The following IGFN1 variants were observed in gnomAD, a reference collection of about 807,000 sequenced individuals.
The protein encoded by IGFN1 is immunoglobulin like and fibronectin type III domain containing 1, also known as immunoglobulin-like and fibronectin type III domain-containing protein 1.
IGFN1 carries 253 observed loss-of-function variants against 289.5 expected under a neutral mutation model. That is an observed-to-expected ratio of 0.87 (90% CI 0.79 to 0.97). The LOEUF (loss-of-function observed/expected upper bound fraction) is 0.97. IGFN1 is among the 50% of genes least tolerant of loss of function. IGFN1 has a pLI of 0.00. For missense variants in IGFN1, 4,470 were observed against 4,686.1 expected (o/e 0.95, Z 1.35); for synonymous variants, 1,706 against 1,788.5 (o/e 0.95, Z 1.16).
Position 201,215,748 on chromosome 1 carries a change from A to T in IGFN1, c.9205A>T (p.Ser3069Cys), listed in dbSNP as rs1343996155. The change falls in exon 15 of 24, where the codon AGC becomes TGC. Residue 3069 changes from serine (S) to cysteine (C), a missense_variant. Around this residue, in one of 8 missense-constraint regions of IGFN1, gnomAD observed 2,218 missense variants for 2,114.1 expected, o/e 1.05. Transcript: ENST00000335211. ...GDGYTRLCLPSAGRKDCGQYS... is the reference protein window; with the variant it reads ...GDGYTRLCLPCAGRKDCGQYS... Reference sequence around the variant, plus strand: ...TGGCTACACGCGGCTGTGCCTCCCCAGCGCAGGCAGGAAGGACTGTGGCCA... The same window carrying T: ...TGGCTACACGCGGCTGTGCCTCCCCTGCGCAGGCAGGAAGGACTGTGGCCA... 6.2e-7 allele frequency: 1 copy of T among 1,609,814 alleles called. No individual in the cohort carries two copies. Among genetic ancestry groups the T allele is most frequent in the East Asian group, 2.2e-5 (1 of 44,818 alleles).
At chr1:201,216,313 C>A in intron 15 of IGFN1, 141 bp from the exon 16 acceptor site, 1 of 665,404 alleles carries the variant, frequency 1.5e-6, no homozygotes, top group Non-Finnish European at 2.5e-6. Flanking sequence ...TCTGGACAGT[C>A]TGCCCCATTG....
At chr1:201,214,904 A>T in intron 13 of IGFN1, 109 bp from the exon 14 acceptor site, 1 of 1,122,588 alleles carries the variant, frequency 8.9e-7, no homozygotes, top group East Asian at 2.5e-5. Context: ...CATTCCATTC[A>T]CACAGCTGTT....
intron 4 of IGFN1, among the ~76,000 whole-genome samples, chr1:201,196,283 C>G (rs1666913905): frequency 6.6e-6 from 1 of 152,210 alleles, no homozygotes; most frequent in East Asian, 1.9e-4. Flanking sequence ...AGTCATTTTA[C>G]TCTTTTTACC....
Position 201,224,889 on chromosome 1 carries a change from G to T in IGFN1, c.10486+15G>T. On this transcript the variant is annotated intron_variant, in intron 21 of 23. Transcript: ENST00000335211. ...CAGGGTGGCAGGTGAGGCAGGCCTT[G>T]CTCTGGGCTCTGGACGCTGGCTCGG... 6.2e-7 allele frequency: 1 copy of T among 1,600,512 alleles called. No individual in the cohort carries two copies. The highest frequency in any genetic ancestry group is 8.5e-7 in the Non-Finnish European group (1 of 1,172,104).
At position 201,207,099 on chromosome 1, in the gene IGFN1, AG is replaced by A; in HGVS notation, c.2207del (p.Arg736LysfsTer30). On this transcript the variant is annotated frameshift_variant, in exon 12 of 24. Transcript: ENST00000335211. LOFTEE classifies it high-confidence loss of function. ...DFQEPSISGG[R>X]KFLLGDGSPE... is the part of the protein sequence containing the mutation. ...CCAGGAACCATCAATATCAGGTGGTAGAAAATTCCTTCTGGGAGATGGGAGT... is the reference window on the plus strand; with the variant it reads ...CCAGGAACCATCAATATCAGGTGGTAAAAATTCCTTCTGGGAGATGGGAGT... 1 of 1,537,060 alleles carries A rather than the reference AG, an allele frequency of 6.5e-7. No homozygotes were observed. The highest frequency in any genetic ancestry group is 8.7e-7 in the Non-Finnish European group (1 of 1,146,864).
In IGFN1 at chr1:201,200,288, G is replaced by T. The variant is rs953381861; in HGVS notation, c.510G>T (p.Leu170=). The T allele has an allele frequency of 6.4e-6, 10 of 1,551,596 alleles. No individual in the cohort carries two copies. The Admixed American group carries it at 2.0e-4, about 30-fold the overall frequency. The change falls in exon 8 of 24, where the codon CTG becomes CTT. Residue 170 remains leucine (L), a synonymous_variant. Transcript: ENST00000335211. ...TGGACCTTGAGCAGATATGGCAGCT[G>T]CTGATGACAGCAGACAGGAAGGACT... is the stretch of plus-strand genomic sequence containing the variant. The part of the protein sequence containing the change: ...KKMDLEQIWQ[L]LMTADRKDYE...
rs749503568 is a variant in IGFN1 at position 201,227,129 on chromosome 1, G to A, written c.11034G>A (p.Pro3678=). 8.1e-6 allele frequency: 13 copies of A among 1,613,282 alleles called. No individual in the cohort carries two copies. The highest frequency in any genetic ancestry group is 2.2e-5 in the South Asian group (2 of 91,060). Residue 3678 remains proline, a synonymous_variant, in exon 23 of 24, where the codon CCG becomes CCA. Transcript: ENST00000335211. ...VCSLTIPSVS[P]KDSGEYKAVA... ...CCCTCACCATCCCCAGCGTATCCCC[G>A]AAGGACAGCGGGGAGTACAAGGCTG... is the stretch of plus-strand genomic sequence containing the variant.
At chr1:201,227,441 T>G (rs1654183490) in intron 23 of IGFN1, among the ~76,000 whole-genome samples, 1 of 151,914 alleles carries the variant, frequency 6.6e-6, no homozygotes, top group South Asian at 2.1e-4. Flanking sequence ...GTTTTTTTTT[T>G]TTTGAGACGG....
rs199822854 is a variant in IGFN1, at chr1:201,226,000, C to A, written c.10663C>A (p.Arg3555Ser). The A allele has an allele frequency of 3.2e-6, 5 of 1,576,932 alleles. No homozygotes were observed. The highest frequency in any genetic ancestry group is 2.3e-5 in the South Asian group (2 of 85,796). ...HEAADRIHTN[R>S]FTLLGILPGH... ...GGCAGCCGACCGCATCCACACCAAC[C>A]GCTTCACCCTCCTGGGCATCCTCCC... Residue 3555 changes from arginine (R) to serine (S), a missense_variant, in exon 22 of 24, where the codon CGC (arginine) becomes AGC (serine). Physicochemically the swap from Arg to Ser is moderately radical, Grantham distance 110 (BLOSUM62 -1). Coordinates refer to ENST00000335211, the MANE Select transcript of IGFN1 (RefSeq NM_001164586.2).
Position 201,211,469 on chromosome 1 carries a change from T to G in IGFN1, c.6576T>G (p.Ser2192Arg). ...LGAPEGMGSG[S>R]KAGFRDGLGG... is the part of the protein sequence containing the mutation. ...CTCCTGAGGGAATGGGTTCAGGGAGTAAGGCAGGTTTCAGGGATGGTTTAG... is the reference window on the plus strand; with the variant it reads ...CTCCTGAGGGAATGGGTTCAGGGAGGAAGGCAGGTTTCAGGGATGGTTTAG... Residue 2192 changes from serine (S) to arginine (R), a missense_variant, in exon 12 of 24, where the codon AGT (serine) becomes AGG (arginine). Physicochemically the swap from Ser to Arg is moderately radical, Grantham distance 110. Coordinates refer to ENST00000335211, the MANE Select transcript of IGFN1 (RefSeq NM_001164586.2). 6.7e-7 allele frequency: 1 copy of G among 1,496,796 alleles called. No individual in the cohort carries two copies. Among genetic ancestry groups the G allele is most frequent in the Non-Finnish European group, 8.9e-7 (1 of 1,124,710 alleles). 92.7% of individuals were successfully genotyped at this position (1,496,796 alleles called of 1,614,324 possible).
Position 201,206,376 on chromosome 1 carries a change from G to C in IGFN1, c.1483G>C (p.Ala495Pro). Residue 495 changes from alanine (A) to proline (P), a missense_variant, in exon 12 of 24, where the codon GCA becomes CCA. This residue lies in a region of IGFN1 where 2,011 missense variants were observed against 1,953.4 expected (regional missense o/e 1.03). Transcript: ENST00000335211. ...PGQEGEGFPVAEGSRATLPRE... is the reference protein window; with the variant it reads ...PGQEGEGFPVPEGSRATLPRE... Reference sequence around the variant, plus strand: ...ACAGGAGGGCGAGGGCTTTCCAGTAGCAGAGGGAAGCAGAGCCACTCTTCC... The same window carrying C: ...ACAGGAGGGCGAGGGCTTTCCAGTACCAGAGGGAAGCAGAGCCACTCTTCC... The C allele has an allele frequency of 4.5e-6, 7 of 1,550,610 alleles. No individual in the cohort carries two copies. In the South Asian group the frequency reaches 8.3e-5, roughly 18 times the overall value.
In IGFN1 at chr1:201,212,034, A is replaced by G. The variant is rs1353472280; in HGVS notation, c.7141A>G (p.Arg2381Gly). 6.5e-7 allele frequency: 1 copy of G among 1,536,210 alleles called. No individual in the cohort carries two copies. The highest frequency in any genetic ancestry group is 1.4e-5 in the African/African-American group (1 of 72,978). Residue 2381 changes from arginine (R) to glycine (G), a missense_variant, in exon 12 of 24, where the codon AGA becomes GGA. Arg to Gly is a moderately radical substitution (Grantham distance 125). Coordinates refer to ENST00000335211, the MANE Select transcript of IGFN1 (RefSeq NM_001164586.2). The stretch of plus-strand genomic sequence containing the variant: ...TGGAATAGGACATGAGGCTGGACCC[A>G]GAGGCCATAAAGCCATGGGTCACAG... Reference protein sequence around the residue: ...LAGIGHEAGPRGHKAMGHRSG... With the variant: ...LAGIGHEAGPGGHKAMGHRSG...
At chr1:201,221,103 G>A (rs773860907) in intron 18 of IGFN1, among the ~76,000 whole-genome samples, 3 of 152,170 alleles carry the variant, frequency 2.0e-5, no homozygotes, top group East Asian at 1.9e-4. Flanking sequence ...CTAGTCATAC[G>A]GGATAATGGA....
chr1:201,205,929 G>T (rs1045458980), intron 11 of IGFN1, among the ~76,000 whole-genome samples, 154 bp from the exon 12 acceptor site: 1 of 152,226 alleles, frequency 6.6e-6, no homozygotes, highest in African/African-American at 2.4e-5. Context: ...TTCCTTCCCA[G>T]GTGGTCACCT....
chr1:201,192,859 A>G (rs1428495227), intron 1 of IGFN1, among the ~76,000 whole-genome samples: 2 of 152,102 alleles, frequency 1.3e-5, no homozygotes, highest in Non-Finnish European at 2.9e-5. Flanking sequence ...GAATCCTTAC[A>G]CAGCTGAAAG....
rs1455817941 is a variant in IGFN1, at chr1:201,207,166, G to T, written c.2273G>T (p.Gly758Val). ...KAEDSLQEAD[G>V]ICRGESVVTG... ...GAAGACTCACTGCAGGAGGCAGATG[G>T]TATATGCCGGGGGGAGTCTGTAGTT... Residue 758 changes from glycine (G) to valine (V), a missense_variant, in exon 12 of 24, where the codon GGT (glycine) becomes GTT (valine). This residue lies in a region of IGFN1 where 2,011 missense variants were observed against 1,953.4 expected (regional missense o/e 1.03). Coordinates refer to ENST00000335211, the MANE Select transcript of IGFN1 (RefSeq NM_001164586.2). The T allele has an allele frequency of 3.3e-6, 5 of 1,536,834 alleles. No individual in the cohort carries two copies. Among genetic ancestry groups the T allele is most frequent in the Non-Finnish European group, 4.4e-6 (5 of 1,146,838 alleles).
At chr1:201,228,354 C>T in intron 23 of IGFN1, 32 bp from the exon 24 acceptor site, 1 of 1,613,308 alleles carries the variant, frequency 6.2e-7, no homozygotes, top group Non-Finnish European at 8.5e-7. Flanking sequence ...GGCTGCCCCT[C>T]TGAACCAACT....
At position 201,218,609 on chromosome 1, in the gene IGFN1, C is replaced by T. The variant is rs138429073; in HGVS notation, c.9849C>T (p.Pro3283=). Residue 3283 remains proline, a synonymous_variant, in exon 18 of 24, where the codon CCC becomes CCT. Coordinates refer to ENST00000335211, the MANE Select transcript of IGFN1 (RefSeq NM_001164586.2). ...FRVTAVAPSG[P]GEPGPPSDAV... ...TCACAGCTGTGGCTCCCTCAGGTCC[C>T]GGAGAGCCTGGACCTCCATCGGATG... 1.2e-3 allele frequency: 1,905 copies of T among 1,612,184 alleles called. 21 individuals carry two copies. Among genetic ancestry groups the T allele is most frequent in the South Asian group, 0.011 (1,040 of 91,042 alleles).
At position 201,214,279 on chromosome 1, in the gene IGFN1, C is replaced by T. The variant is rs1667984475; in HGVS notation, c.8831C>T (p.Thr2944Ile). Residue 2944 changes from threonine (T) to isoleucine (I), a missense_variant, in exon 13 of 24, where the codon ACC becomes ATC. Around this residue, in one of 8 missense-constraint regions of IGFN1, gnomAD observed 2,218 missense variants for 2,114.1 expected, o/e 1.05. Transcript: ENST00000335211. ...CTCACCAGTGACCTGGGACCTGGCA[C>T]CTGGTTTAAGGATGGCGTCAAGGTA... Reference protein sequence around the residue: ...CTLTSDLGPGTWFKDGVKLTT... With the variant: ...CTLTSDLGPGIWFKDGVKLTT... 2.5e-6 allele frequency: 4 copies of T among 1,612,102 alleles called. No individual in the cohort carries two copies. Among genetic ancestry groups the T allele is most frequent in the South Asian group, 1.1e-5 (1 of 90,960 alleles).
Sources: allele counts gnomAD v4.1 joint callset (sites outside exome capture counted in the v4.1 genomes callset), GRCh38; gene constraint gnomAD v4.1.1; regional missense constraint gnomAD v4.1.1; transcripts MANE v1.5; gene names NCBI Gene and HGNC (gene_info 2026-07-23, HGNC 2026-07-21).